Variants in SCAP observed in about 807,000 individuals in gnomAD.
SCAP encodes sterol regulatory element-binding protein cleavage-activating protein.
SCAP carries 65 observed loss-of-function variants against 123.6 expected under a neutral mutation model. The ratio of observed to expected loss-of-function variants is 0.53; its 90% CI spans 0.43 to 0.65. The LOEUF is 0.65. Ranked by LOEUF, SCAP falls within the 30% of genes least tolerant of loss-of-function variation. SCAP has a pLI of 0.00. For synonymous variants in SCAP, 740 were observed against 726.3 expected, an observed-to-expected ratio of 1.02 and a Z score of -0.30; for missense variants, 1,398 against 1,712.5, an observed-to-expected ratio of 0.82 and a Z score of 3.24.
At chr3:47,454,842 A>G (rs1559563383) in intron 1 of SCAP, among the ~76,000 whole-genome samples, 1 of 151,742 alleles carries the variant, frequency 6.6e-6, no homozygotes, top group East Asian at 1.9e-4. Flanking sequence ...GCTAAAATCA[A>G]GCCCAATGGG....
chr3:47,462,768 A>T (rs1200173813), intron 1 of SCAP, among the ~76,000 whole-genome samples: 2 of 151,514 alleles, frequency 1.3e-5, no homozygotes, highest in Non-Finnish European at 2.9e-5. Flanking sequence ...AAAAAAAAAA[A>T]AAAAAAGAAA....
upstream of SCAP, chr3:47,476,206 T>A (rs1291734597): frequency 6.6e-6 from 1 of 152,152 alleles, no homozygotes; most frequent in Non-Finnish European, 1.5e-5. Flanking sequence ...CTCGCGGTTG[T>A]AATCCCAACA....
chr3:47,435,098 A>G lies in SCAP; in HGVS notation c.162T>C (p.Pro54=). ...CCTTCACAGGGGTGGTGAATTCCAC[A>G]GGTCCTGTTCCTGGCAAGGGGAGTT... is the stretch of plus-strand genomic sequence containing the variant. ...LLKLPLPGTG[P]VEFTTPVKDY... Residue 54 remains proline (P), a synonymous_variant, in exon 3 of 23, where the codon CCT becomes CCC. Transcript: ENST00000265565. 6.2e-7 allele frequency: 1 copy of G among 1,614,116 alleles called. No individual in the cohort carries two copies. The highest frequency in any genetic ancestry group is 8.5e-7 in the Non-Finnish European group (1 of 1,179,992).
At chr3:47,450,916 T>C (rs1440376467) in intron 1 of SCAP, among the ~76,000 whole-genome samples, 1 of 123,678 alleles carries the variant, frequency 8.1e-6, no homozygotes, top group East Asian at 2.9e-4. Context: ...AGTGGCACTA[T>C]CATGTCTTAC....
intron 2 of SCAP, among the ~76,000 whole-genome samples, chr3:47,436,980 G>A (rs1706602697): frequency 6.6e-6 from 1 of 152,146 alleles, no homozygotes; most frequent in African/African-American, 2.4e-5. Context: ...ACTCTTTTGT[G>A]ACTGGCTGCT....
chr3:47,425,378 A>C, intron 8 of SCAP, 107 bp downstream of exon 8: 1 of 1,205,012 alleles, frequency 8.3e-7, no homozygotes, highest in Non-Finnish European at 1.1e-6. Flanking sequence ...CAACAATGTG[A>C]AGACGTGAGG....
chr3:47,465,258 C>T (rs1295416604), intron 1 of SCAP, among the ~76,000 whole-genome samples: 2 of 151,824 alleles, frequency 1.3e-5, no homozygotes, highest in Non-Finnish European at 2.9e-5. Context: ...GCAATCTCCG[C>T]CTCCCAGGTT....
At chr3:47,415,041 G>C (rs777452957) in intron 19 of SCAP, 48 bp from the exon 20 acceptor site, 3 of 1,581,258 alleles carry the variant, frequency 1.9e-6, no homozygotes, top group Non-Finnish European at 1.7e-6. Context: ...GCAATGGGTA[G>C]ACGGCCCCTG....
At chr3:47,447,317 C>G (rs1707081096) in intron 1 of SCAP, among the ~76,000 whole-genome samples, 1 of 152,020 alleles carries the variant, frequency 6.6e-6, no homozygotes, top group Non-Finnish European at 1.5e-5. Context: ...TCACCTGAAC[C>G]CAGAAAGCAG....
rs370669976 is a variant in SCAP at position 47,453,372 on chromosome 3, A to G, written c.-98-10281T>C. ...AGTCTGGGCAACATAGTGAGACCCC[A>G]TCTCTTTAAAAAAAATTTTTAATGG... On this transcript the variant is annotated intron_variant, in intron 1 of 22. Coordinates refer to ENST00000265565, the MANE Select transcript of SCAP (RefSeq NM_012235.4). Among the ~76,000 whole-genome samples the G allele has an allele frequency of 4.7e-5, 6 of 128,834 alleles. No homozygotes were observed. In the Admixed American group the frequency reaches 5.6e-4, roughly 12 times the overall value. The allele number at this position is 128,834 out of a possible 152,430, so 84.5% of individuals were successfully genotyped here.
intron 3 of SCAP, 198 bp from the exon 4 acceptor site, chr3:47,428,868 G>T: frequency 3.6e-6 from 2 of 549,026 alleles, no homozygotes; most frequent in South Asian, 5.0e-5. Context: ...AACTCCCTCC[G>T]CTTATGAGAT....
rs1705513383 is a variant in SCAP, at chr3:47,415,121, G to A, written c.3116C>T (p.Ala1039Val). The A allele has an allele frequency of 6.2e-7, 1 of 1,612,014 alleles. No homozygotes were observed. The highest frequency in any genetic ancestry group is 2.2e-5 in the East Asian group (1 of 44,858). Residue 1039 changes from alanine (A) to valine (V), a missense_variant, in exon 19 of 23, where the codon GCC (alanine) becomes GTC (valine). Around this residue, in one of 7 missense-constraint regions of SCAP, gnomAD observed 828 missense variants for 882.5 expected, o/e 0.94. Transcript: ENST00000265565. ...LDFFSLETHT[A>V]LSPLQFRGTP... ...ACCTCTAAACTGCAGGGGGCTGAGG[G>A]CAGTGTGGGTCTCCAAGGAGAAGAA... is the stretch of plus-strand genomic sequence containing the variant.
rs1340241463 is a variant in SCAP at position 47,417,823 on chromosome 3, C to G, written c.2451G>C (p.Arg817Ser). The G allele has an allele frequency of 1.5e-6, 2 of 1,364,134 alleles. No individual in the cohort carries two copies. The highest frequency in any genetic ancestry group is 1.9e-6 in the Non-Finnish European group (2 of 1,036,934). 84.5% of individuals were successfully genotyped at this position (1,364,134 alleles called of 1,614,324 possible). Residue 817 changes from arginine (R) to serine (S), a missense_variant, in exon 17 of 23, where the codon AGG becomes AGC. Physicochemically the swap from Arg to Ser is moderately radical, Grantham distance 110. This residue lies in a region of SCAP where 828 missense variants were observed against 882.5 expected (regional missense o/e 0.94). Coordinates refer to ENST00000265565, the MANE Select transcript of SCAP (RefSeq NM_012235.4). ...TGCCCACGCCACTGTCCCGGCGCTG[C>G]CTGCTGGGGGCCAGGAGGGCGGAGT... ...DCLTRIPRPG[R>S]QRRDSGVGSG... is the part of the protein sequence containing the mutation.
intron 1 of SCAP, among the ~76,000 whole-genome samples, chr3:47,457,381 T>C (rs925849688): frequency 6.6e-6 from 1 of 152,204 alleles, no homozygotes; most frequent in African/African-American, 2.4e-5. Context: ...ACTTCCACCT[T>C]GCTCATTCTG....
intron 6 of SCAP, 25 bp downstream of exon 6, chr3:47,427,132 G>C (rs148107470): frequency 6.5e-7 from 1 of 1,548,052 alleles, no homozygotes; most frequent in Non-Finnish European, 8.9e-7. Context: ...GACCAGTCAA[G>C]AGCCCAGGGT....
chr3:47,423,740 AATGGCCCC>A (rs1183722055), intron 9 of SCAP, among the ~76,000 whole-genome samples, 185 bp downstream of exon 9: 11 of 152,190 alleles, frequency 7.2e-5, no homozygotes, highest in Admixed American at 7.2e-4. Context: ...AGTACAGTCC[AATGGCCCC>A]ATGGCTCCCC....
In SCAP at chr3:47,417,758, T is replaced by A. The variant is rs1282438146; in HGVS notation, c.2516A>T (p.Asp839Val). The A allele has an allele frequency of 1.9e-6, 3 of 1,598,656 alleles. No homozygotes were observed. In the African/African-American group the frequency reaches 4.2e-5, roughly 23 times the overall value. ...CTCCTCTGGACCAGCCTTCCCACCA[T>A]CTGAAAGTCGTTCCCAGCTCTCCTG... ...EAQESWERLSDGGKAGPEEPG... is the reference protein window; with the variant it reads ...EAQESWERLSVGGKAGPEEPG... Residue 839 changes from aspartate to valine, a missense_variant, in exon 17 of 23, where the codon GAT becomes GTT. This residue lies in a region of SCAP where 828 missense variants were observed against 882.5 expected (regional missense o/e 0.94). Transcript: ENST00000265565.
chr3:47,435,469 T>TACACACACACACACACACACAC (rs57702290), intron 2 of SCAP, among the ~76,000 whole-genome samples: 16 of 91,962 alleles, frequency 1.7e-4, no homozygotes, highest in African/African-American at 5.2e-4. Flanking sequence ...AATATAAACA[T>TACACACACACACACACACACAC]ACACACACAC....
Position 47,475,818 on chromosome 3 carries a change from C to A in SCAP, c.-118G>T. The A allele has an allele frequency of 6.3e-6, 1 of 158,210 alleles. No individual in the cohort carries two copies. The highest frequency in any genetic ancestry group is 2.4e-5 in the African/African-American group (1 of 41,340). The allele number at this position is 158,210 out of a possible 1,614,324, so 9.8% of individuals were successfully genotyped here. A position where few individuals can be genotyped will look rare whatever the true frequency, so the allele number is the denominator to read the frequency against. ...CGGTACCTGTGGTGGCAGCACCTCC[C>A]AAGCTGCGGCGGCGGCGGCGGCGGC... On this transcript the variant is annotated 5_prime_UTR_variant, in exon 1 of 23. Transcript: ENST00000265565.
Sources: gnomAD v4.1 joint callset for allele counts (sites outside exome capture counted in the v4.1 genomes callset) on GRCh38, gnomAD v4.1.1 for gene constraint, gnomAD v4.1.1 regional missense constraint, MANE v1.5 for transcripts, NCBI Gene and HGNC (gene_info 2026-07-23, HGNC 2026-07-21) for gene names.